The following DPH6 variants were observed in gnomAD, a reference collection of about 807,000 sequenced individuals.
DPH6 encodes diphthine--ammonia ligase.
DPH6 carries 33 observed loss-of-function variants against 38.2 expected under a neutral mutation model. That is an observed-to-expected ratio of 0.86 (90% CI 0.65 to 1.15). The LOEUF (loss-of-function observed/expected upper bound fraction) is 1.15, where lower values mean the gene tolerates loss of function less well. Among genes scored for constraint, DPH6 ranks in the 50% most tolerant of loss-of-function variants. DPH6 has a pLI of 0.00. For missense variants in DPH6, 325 were observed against 320.0 expected (o/e 1.02, Z -0.12); for synonymous variants, 108 against 103.0 (o/e 1.05, Z -0.30).
At position 35,304,516 on chromosome 15, in the gene DPH6, C is replaced by G. The variant is rs957009388; in HGVS notation, n.200+69005G>C. ...AAATGGTACCTTTTTCATCTCTAAA[C>G]TCTCTAATTCCGAGAAAACACCCTA... On this transcript the variant is annotated intron_variant and non_coding_transcript_variant, in intron 3 of 3. Transcript: ENST00000560386. Among the ~76,000 whole-genome samples, 8 of 152,010 alleles carry G rather than the reference C, an allele frequency of 5.3e-5. 1 individual carries two copies. The highest frequency in any genetic ancestry group is 3.9e-4 in the Admixed American group (6 of 15,264).
At chr15:35,489,247 A>T (rs1216766628) in intron 3 of DPH6, 1 of 770,958 alleles carries the variant, frequency 1.3e-6, no homozygotes, top group Non-Finnish European at 1.6e-6. Flanking sequence ...ATTTTTTACC[A>T]TGTGATCTGG....
At chr15:35,363,022 A>G (rs2052626861) in intron 3 of DPH6, among the ~76,000 whole-genome samples, 1 of 152,128 alleles carries the variant, frequency 6.6e-6, no homozygotes, top group South Asian at 2.1e-4. Flanking sequence ...GCATACTTTC[A>G]TTCCTATGAC....
chr15:35,370,567 A>G (rs1408814648), downstream of DPH6, among the ~76,000 whole-genome samples: 1 of 151,822 alleles, frequency 6.6e-6, no homozygotes. Flanking sequence ...CACAGATGGC[A>G]AACAAACATG....
At chr15:35,489,741 T>C in intron 3 of DPH6, 1 of 980,940 alleles carries the variant, frequency 1.0e-6, no homozygotes, top group South Asian at 4.7e-5. Flanking sequence ...TGGAACAGTA[T>C]ACAGAAACTA....
intron 3 of DPH6, among the ~76,000 whole-genome samples, chr15:35,271,781 C>T (rs962430733): frequency 1.1e-4 from 16 of 152,140 alleles, no homozygotes; most frequent in African/African-American, 3.4e-4. Flanking sequence ...GAGAAAGCTA[C>T]GCTGCGAGGT....
At chr15:35,288,917 T>G (rs921226567) in intron 3 of DPH6, among the ~76,000 whole-genome samples, 5 of 152,118 alleles carry the variant, frequency 3.3e-5, no homozygotes, top group Non-Finnish European at 5.9e-5. Flanking sequence ...AGAATTAGCT[T>G]TACATCAGCT....
Position 35,241,395 on chromosome 15 carries a change from C to A in DPH6, n.201-20813G>T, listed in dbSNP as rs185667485. 4.2e-5 allele frequency among the ~76,000 whole-genome samples: 6 copies of A among 143,032 alleles called. 1 individual carries two copies. The East Asian group carries it at 1.3e-3, about 31-fold the overall frequency. 93.8% of individuals were successfully genotyped at this position (143,032 alleles called of 152,430 possible). A position where few individuals can be genotyped will look rare whatever the true frequency, so the allele number is the denominator to read the frequency against. ...TTACCTTCTTTTCAAGGCCTGTTTC[C>A]CTTGCCTCCATAACTGTTGTGGGTA... On this transcript the variant is annotated intron_variant and non_coding_transcript_variant, in intron 3 of 3. Transcript: ENST00000560386.
intron 6 of DPH6, among the ~76,000 whole-genome samples, chr15:35,398,002 T>C (rs550641705): frequency 6.6e-6 from 1 of 152,040 alleles, no homozygotes; most frequent in African/African-American, 2.4e-5. Context: ...GACAGGAGAA[T>C]GGAGAATCCT....
At chr15:35,457,591 C>A (rs1207614497) in intron 3 of DPH6, among the ~76,000 whole-genome samples, 2 of 152,184 alleles carry the variant, frequency 1.3e-5, no homozygotes, top group African/African-American at 4.8e-5. Context: ...AGCCACCACA[C>A]CTGGCCCAAT....
At chr15:35,448,185 C>G (rs193116509) in intron 5 of DPH6, among the ~76,000 whole-genome samples, 11 of 151,192 alleles carry the variant, frequency 7.3e-5, no homozygotes, top group African/African-American at 2.2e-4. Context: ...TTTTTTGTTT[C>G]TTTGTTTGTT....
At chr15:35,513,774 T>G (rs2054807911) in intron 3 of DPH6, among the ~76,000 whole-genome samples, 1 of 151,930 alleles carries the variant, frequency 6.6e-6, no homozygotes, top group Non-Finnish European at 1.5e-5. Flanking sequence ...CAAACATAAT[T>G]AAAGCATATC....
At chr15:35,308,810 T>G (rs771392142) in intron 3 of DPH6, among the ~76,000 whole-genome samples, 1 of 152,202 alleles carries the variant, frequency 6.6e-6, no homozygotes, top group Non-Finnish European at 1.5e-5. Context: ...ACTATGGAGA[T>G]AGCAAATATA....
rs577801507 is a variant in DPH6, at chr15:35,419,297, T to A, written c.506-8401A>T. The stretch of plus-strand genomic sequence containing the variant: ...TTAAAAGAACAGATAAGAAGACTGG[T>A]CATATAATCTCTAAAAAAATGAGCT... On this transcript the variant is annotated intron_variant, in intron 5 of 8. Coordinates refer to ENST00000256538, the MANE Select transcript of DPH6 (RefSeq NM_080650.4). 2.0e-5 allele frequency among the ~76,000 whole-genome samples: 3 copies of A among 152,198 alleles called. No homozygotes were observed. In the South Asian group the frequency reaches 6.2e-4, roughly 32 times the overall value.
At chr15:35,386,962 T>C (rs964413314) in intron 6 of DPH6, among the ~76,000 whole-genome samples, 5 of 152,242 alleles carry the variant, frequency 3.3e-5, no homozygotes, top group Non-Finnish European at 7.3e-5. Context: ...TTCTAGGGTT[T>C]TTATGATTTT....
At chr15:35,520,020 A>AT (rs1222516213) in intron 3 of DPH6, 3 of 152,334 alleles carry the variant, frequency 2.0e-5, no homozygotes, top group African/African-American at 7.2e-5. Context: ...TCCATTGGAA[A>AT]CAGCACCCCA....
chr15:35,358,212 C>A (rs1251654561), intron 3 of DPH6, among the ~76,000 whole-genome samples: 1 of 152,184 alleles, frequency 6.6e-6, no homozygotes, highest in East Asian at 1.9e-4. Context: ...AACAGTGTGT[C>A]TAAAGTTTTC....
chr15:35,285,891 C>CTTTTTTTTTTTTTTTTTTTTTTT (rs2051940626), intron 3 of DPH6, among the ~76,000 whole-genome samples: 1 of 2,458 alleles, frequency 4.1e-4, no homozygotes, highest in African/African-American at 1.1e-3. Flanking sequence ...TTTTTTTTTA[C>CTTTTTTTTTTTTTTTTTTTTTTT]CTGAGACCAC....
At chr15:35,521,958 TG>T in intron 3 of DPH6, 1 of 1,425,222 alleles carries the variant, frequency 7.0e-7, no homozygotes, top group Non-Finnish European at 9.2e-7. Flanking sequence ...TGCCAAATCT[TG>T]CCTAGGTAAG....
At chr15:35,420,192 C>T (rs1204153277) in intron 5 of DPH6, among the ~76,000 whole-genome samples, 1 of 151,810 alleles carries the variant, frequency 6.6e-6, no homozygotes, top group African/African-American at 2.4e-5. Context: ...AGCATATGAC[C>T]CTATCTTACT....
Sources: gnomAD v4.1 joint callset for allele counts (sites outside exome capture counted in the v4.1 genomes callset) on GRCh38, gnomAD v4.1.1 for gene constraint, MANE v1.5 for transcripts, NCBI Gene and HGNC (gene_info 2026-07-23, HGNC 2026-07-21) for gene names.